The following MON2 variants were observed in gnomAD, a reference collection of about 807,000 sequenced individuals.
MON2 encodes MON2 regulator of endosome-to-Golgi trafficking.
A neutral mutation model predicts 208.6 loss-of-function variants in MON2; 84 were observed. The observed-to-expected ratio is 0.40, with a 90% CI of 0.34 to 0.48. MON2 has a LOEUF of 0.48. Ranked by LOEUF, MON2 falls within the 20% of genes least tolerant of loss-of-function variation. MON2 has a pLI of 0.59. For missense variants in MON2, 1,611 were observed against 2,015.4 expected, an observed-to-expected ratio of 0.80 and a Z score of 3.84; for synonymous variants, 660 against 694.0, an observed-to-expected ratio of 0.95 and a Z score of 0.77.
intron 30 of MON2, among the ~76,000 whole-genome samples, chr12:62,576,702 A>G (rs4763177): frequency 0.38 from 58,044 of 151,586 alleles, 11,460 homozygotes; most frequent in African/African-American, 0.47. Context: ...AATTCTGTTA[A>G]TCAGCATTTT....
intron 32 of MON2, 30 bp from the exon 33 acceptor site, chr12:62,585,264 A>G (rs765364447): frequency 2.5e-5 from 39 of 1,530,474 alleles, no homozygotes; most frequent in African/African-American, 1.4e-5. Flanking sequence ...TTTAACTTCT[A>G]TTAACCATCA....
intron 7 of MON2, among the ~76,000 whole-genome samples, chr12:62,503,530 A>T (rs2070947166): frequency 6.6e-6 from 1 of 152,210 alleles, no homozygotes; most frequent in Non-Finnish European, 1.5e-5. Context: ...TGGTATTTTT[A>T]AAAAGTCGAA....
rs1348548995 is a variant in MON2, at chr12:62,515,367, CAAG to C, written c.984+6889_984+6891del. On this transcript the variant is annotated intron_variant, in intron 8 of 34. Transcript: ENST00000393630. ...ATTATGCTGAGTGAAATAAGTGAGT[CAAG>C]AGGACAAATTACTGTGTAATTCCAC... is the stretch of plus-strand genomic sequence containing the variant. Among the ~76,000 whole-genome samples, 3 of 152,232 alleles carry C rather than the reference CAAG, an allele frequency of 2.0e-5. No homozygotes were observed. In the East Asian group the frequency reaches 5.8e-4, roughly 29 times the overall value.
At chr12:62,474,675 C>T (rs10735907) in intron 1 of MON2, among the ~76,000 whole-genome samples, 56,357 of 152,014 alleles carry the variant, frequency 0.37, 10,675 homozygotes, top group African/African-American at 0.43. Flanking sequence ...CTGCCCGCCT[C>T]GGCCTCTCAA....
chr12:62,491,399 T>G (rs1004026891), intron 2 of MON2, among the ~76,000 whole-genome samples: 2 of 152,204 alleles, frequency 1.3e-5, no homozygotes, highest in Non-Finnish European at 2.9e-5. Context: ...ACTGACTTTT[T>G]TTGTTGTTGT....
chr12:62,529,831 T>C (rs2072534563), intron 11 of MON2, among the ~76,000 whole-genome samples: 1 of 152,232 alleles, frequency 6.6e-6, no homozygotes, highest in African/African-American at 2.4e-5. Flanking sequence ...TTTTGTGTCA[T>C]ACTTCTTTGA....
At chr12:62,581,761 C>T (rs1028541035) in intron 32 of MON2, among the ~76,000 whole-genome samples, 3 of 151,930 alleles carry the variant, frequency 2.0e-5, no homozygotes, top group Non-Finnish European at 2.9e-5. Context: ...ATTCGGGAAG[C>T]GGAGGTTGCA....
chr12:62,500,877 C>A lies in MON2; in HGVS notation c.660C>A (p.Phe220Leu). The A allele has an allele frequency of 6.5e-7, 1 of 1,530,012 alleles. No homozygotes were observed. Among genetic ancestry groups the A allele is most frequent in the Non-Finnish European group, 8.8e-7 (1 of 1,130,474 alleles). 94.8% of individuals were successfully genotyped at this position (1,530,012 alleles called of 1,614,324 possible). A position where few individuals can be genotyped will look rare whatever the true frequency, so the allele number is the denominator to read the frequency against. Residue 220 changes from phenylalanine to leucine, a missense_variant, in exon 6 of 35, where the codon TTC (phenylalanine) becomes TTA (leucine). Physicochemically the swap from Phe to Leu is conservative, Grantham distance 22 (BLOSUM62 0). Coordinates refer to ENST00000393630, the MANE Select transcript of MON2 (RefSeq NM_015026.3). ...KPCAKDAYML[F>L]QDLCQLVNAD... ...GTGCTAAAGATGCATATATGCTTTTCCAGGTATTTTAGTTGATAAAAGTAA... is the reference window on the plus strand; with the variant it reads ...GTGCTAAAGATGCATATATGCTTTTACAGGTATTTTAGTTGATAAAAGTAA...
At chr12:62,476,216 A>G (rs1385671623) in intron 1 of MON2, among the ~76,000 whole-genome samples, 1 of 152,240 alleles carries the variant, frequency 6.6e-6, no homozygotes, top group South Asian at 2.1e-4. Context: ...ATTGAATGTT[A>G]CAGAAGAAAA....
intron 8 of MON2, among the ~76,000 whole-genome samples, chr12:62,517,539 C>T (rs2071766329): frequency 6.6e-6 from 1 of 152,108 alleles, no homozygotes; most frequent in Admixed American, 6.6e-5. Flanking sequence ...GTGGGACTCT[C>T]ATGATGGGAT....
chr12:62,599,627 A>G lies in MON2; in HGVS notation c.*6878A>G, dbSNP rs922273584. 2.6e-5 allele frequency: 4 copies of G among 152,164 alleles called. No individual in the cohort carries two copies. Among genetic ancestry groups the G allele is most frequent in the African/African-American group, 9.7e-5 (4 of 41,432 alleles). The allele number at this position is 152,164 out of a possible 1,614,324, so 9.4% of individuals were successfully genotyped here. A position where few individuals can be genotyped will look rare whatever the true frequency, so the allele number is the denominator to read the frequency against. On this transcript the variant is annotated 3_prime_UTR_variant, in exon 35 of 35. Transcript: ENST00000393630. ...AGAAGTTATTTTCATTTTACAGAAGAGTCAAGGATTAGGGGGTTGAAGTGA... is the reference window on the plus strand; with the variant it reads ...AGAAGTTATTTTCATTTTACAGAAGGGTCAAGGATTAGGGGGTTGAAGTGA...
intron 4 of MON2, among the ~76,000 whole-genome samples, chr12:62,496,487 G>A (rs1313371807): frequency 6.6e-6 from 1 of 152,192 alleles, no homozygotes; most frequent in African/African-American, 2.4e-5. Context: ...AATCTAAAGA[G>A]TAGTAGCGAT....
chr12:62,592,515 T>C, intron 34 of MON2, 71 bp from the exon 35 acceptor site: 1 of 1,255,142 alleles, frequency 8.0e-7, no homozygotes, highest in South Asian at 1.8e-5. Context: ...GTTTAAAGGA[T>C]TGTGTTCATG....
In MON2 at chr12:62,495,030, T is replaced by C; in HGVS notation, c.318T>C (p.Asn106=). 6.2e-7 allele frequency: 1 copy of C among 1,607,000 alleles called. No homozygotes were observed. The highest frequency in any genetic ancestry group is 8.5e-7 in the Non-Finnish European group (1 of 1,175,352). The part of the protein sequence containing the change: ...HEVVSETAAG[N]IINMLWQLME... Reference sequence around the variant, plus strand: ...CTATTTTACAGACTGCAGCTGGAAATATAATTAACATGCTTTGGCAGCTAA... The same window carrying C: ...CTATTTTACAGACTGCAGCTGGAAACATAATTAACATGCTTTGGCAGCTAA... The change falls in exon 4 of 35, where the codon AAT becomes AAC. Residue 106 remains asparagine (N), a synonymous_variant. Transcript: ENST00000393630.
intron 1 of MON2, 139 bp downstream of exon 1, chr12:62,467,457 C>A: frequency 1.5e-6 from 1 of 676,438 alleles, no homozygotes; most frequent in Non-Finnish European, 2.5e-6. Flanking sequence ...GGTTGTTCCA[C>A]AAGGGCTTTT....
chr12:62,469,000 G>A (rs773027236), intron 1 of MON2, among the ~76,000 whole-genome samples: 1 of 152,020 alleles, frequency 6.6e-6, no homozygotes, highest in Non-Finnish European at 1.5e-5. Flanking sequence ...CCAGGCTGGA[G>A]TGCAGTGGTG....
At chr12:62,583,329 T>C (rs2075070750) in intron 32 of MON2, among the ~76,000 whole-genome samples, 1 of 151,494 alleles carries the variant, frequency 6.6e-6, no homozygotes, top group Non-Finnish European at 1.5e-5. Flanking sequence ...AGAGACTCTG[T>C]CTCAAAAACA....
chr12:62,555,967 T>C (rs2073953249), intron 24 of MON2, 27 bp from the exon 25 acceptor site: 1 of 1,520,096 alleles, frequency 6.6e-7, no homozygotes, highest in African/African-American at 1.4e-5. Context: ...TCAATGCATT[T>C]TAAATGACAT....
rs758391328 is a variant in MON2, at chr12:62,585,382, A to G, written c.4788A>G (p.Thr1596=). 5 of 1,613,788 alleles carry G rather than the reference A, an allele frequency of 3.1e-6. No homozygotes were observed. In the East Asian group the frequency reaches 1.1e-4, roughly 36 times the overall value. Residue 1596 remains threonine (T), a synonymous_variant, in exon 33 of 35, where the codon ACA becomes ACG. Coordinates refer to ENST00000393630, the MANE Select transcript of MON2 (RefSeq NM_015026.3). ...AGTTTTCCTTCAGTAATAAAGTCAC[A>G]ACACCTCAAGAAGGCTACATCTCAC... is the stretch of plus-strand genomic sequence containing the variant. ...LLQFSFSNKV[T]TPQEGYISRM... is the part of the protein sequence containing the mutation.
Sources: allele counts gnomAD v4.1 joint callset (sites outside exome capture counted in the v4.1 genomes callset), GRCh38; gene constraint gnomAD v4.1.1; transcripts MANE v1.5; gene names NCBI Gene and HGNC (gene_info 2026-07-23, HGNC 2026-07-21).